The following B3GAT2 variants were observed in gnomAD, a reference collection of about 807,000 sequenced individuals.
The protein encoded by B3GAT2 is galactosylgalactosylxylosylprotein 3-beta-glucuronosyltransferase 2.
A neutral mutation model predicts 27.8 loss-of-function variants in B3GAT2; 26 were observed. That is an observed-to-expected ratio of 0.93 (90% CI 0.68 to 1.30). B3GAT2 has a LOEUF of 1.30. Among genes scored for constraint, B3GAT2 ranks in the 50% most tolerant of loss-of-function variants. B3GAT2 has a pLI of 0.00. For missense variants in B3GAT2, 458 were observed against 459.0 expected, an observed-to-expected ratio of 1.00 and a Z score of 0.02; for synonymous variants, 218 against 195.1, an observed-to-expected ratio of 1.12 and a Z score of -0.98.
At chr6:70,865,025 C>CA (rs1160492466) in intron 2 of B3GAT2, among the ~76,000 whole-genome samples, 2 of 152,192 alleles carry the variant, frequency 1.3e-5, no homozygotes. Flanking sequence ...GGAGGATACA[C>CA]AGTCACCCTC....
At chr6:70,907,293 T>A (rs1020658624) in intron 1 of B3GAT2, among the ~76,000 whole-genome samples, 1 of 152,144 alleles carries the variant, frequency 6.6e-6, no homozygotes, top group Non-Finnish European at 1.5e-5. Flanking sequence ...CTCCTAAGGA[T>A]GGTCCCTTTC....
intron 1 of B3GAT2, among the ~76,000 whole-genome samples, chr6:70,950,299 AATT>A (rs201854609): frequency 0.037 from 2,998 of 80,730 alleles, 103 homozygotes; most frequent in Admixed American, 0.15. Flanking sequence ...AAAAAAAAAA[AATT>A]TTATTTTTCA....
At chr6:70,919,812 G>A (rs1772836757) in intron 1 of B3GAT2, among the ~76,000 whole-genome samples, 1 of 152,154 alleles carries the variant, frequency 6.6e-6, no homozygotes, top group Non-Finnish European at 1.5e-5. Context: ...ATGTCTGTTG[G>A]CCCCTACTGG....
At chr6:70,947,582 A>G (rs1449720705) in intron 1 of B3GAT2, among the ~76,000 whole-genome samples, 1 of 151,724 alleles carries the variant, frequency 6.6e-6, no homozygotes, top group Admixed American at 6.6e-5. Context: ...AATTGTGGGA[A>G]TAATCAATAG....
chr6:70,914,301 G>A (rs907395702), intron 1 of B3GAT2, among the ~76,000 whole-genome samples: 5 of 152,008 alleles, frequency 3.3e-5, no homozygotes, highest in African/African-American at 1.2e-4. Context: ...CCCTCTGACA[G>A]GCCCCGGTGT....
intron 1 of B3GAT2, among the ~76,000 whole-genome samples, chr6:70,921,818 C>T (rs1473009351): frequency 2.6e-5 from 4 of 152,068 alleles, no homozygotes; most frequent in South Asian, 2.1e-4. Flanking sequence ...GGTATAATGT[C>T]GGTTCAGTTG....
In B3GAT2 at chr6:70,956,212, G is replaced by C. The variant is rs778605827; in HGVS notation, c.218C>G (p.Pro73Arg). Reference protein sequence around the residue: ...TQKRNQSRPQPQPEPQLPTIY... With the variant: ...TQKRNQSRPQRQPEPQLPTIY... ...GGTGGGCAGCTGCGGCTCCGGCTGT[G>C]GCTGCGGCCGAGACTGGTTGCGCTT... The change falls in exon 1 of 4, where the codon CCA becomes CGA. Residue 73 changes from proline (P) to arginine (R), a missense_variant. Transcript: ENST00000230053. The C allele has an allele frequency of 6.2e-7, 1 of 1,612,388 alleles. No homozygotes were observed. Among genetic ancestry groups the C allele is most frequent in the South Asian group, 1.1e-5 (1 of 90,952 alleles).
At chr6:70,869,807 C>T (rs1381652639) in intron 2 of B3GAT2, among the ~76,000 whole-genome samples, 4 of 152,070 alleles carry the variant, frequency 2.6e-5, no homozygotes, top group African/African-American at 4.8e-5. Context: ...TCATCACTGG[C>T]CATCAGAGAA....
At position 70,956,721 on chromosome 6, in the gene B3GAT2, G is replaced by T. The variant is rs569875120; in HGVS notation, c.-292C>A. The T allele has an allele frequency of 7.5e-7, 1 of 1,326,326 alleles. No homozygotes were observed. The highest frequency in any genetic ancestry group is 3.6e-5 in the Admixed American group (1 of 27,944). The allele number at this position is 1,326,326 out of a possible 1,614,324, so 82.2% of individuals were successfully genotyped here. A position where few individuals can be genotyped will look rare whatever the true frequency, so the allele number is the denominator to read the frequency against. On this transcript the variant is annotated 5_prime_UTR_variant, in exon 1 of 4. Coordinates refer to ENST00000230053, the MANE Select transcript of B3GAT2 (RefSeq NM_080742.3). ...GGACTCGGTCCAGCCGCGCGCCGCC[G>T]GTCCCGGAGTTGTGCCGAGTGCGGG...
intron 2 of B3GAT2, among the ~76,000 whole-genome samples, chr6:70,870,496 C>T (rs898994139): frequency 1.3e-4 from 20 of 150,764 alleles, no homozygotes; most frequent in African/African-American, 4.9e-4. Context: ...ACATATGTAA[C>T]AAACCTGCAC....
chr6:70,920,395 C>T (rs531536939), intron 1 of B3GAT2, among the ~76,000 whole-genome samples: 167 of 152,356 alleles, frequency 1.1e-3, no homozygotes, highest in African/African-American at 3.5e-3. Context: ...AGGGATGCCC[C>T]GCCCTGCTTC....
chr6:70,944,564 T>C (rs1765446679), intron 1 of B3GAT2, among the ~76,000 whole-genome samples: 1 of 152,260 alleles, frequency 6.6e-6, no homozygotes, highest in African/African-American at 2.4e-5. Flanking sequence ...ACAAAGCAGC[T>C]GGGAAGCTCC....
intron 2 of B3GAT2, among the ~76,000 whole-genome samples, chr6:70,875,864 T>A (rs989488992): frequency 6.6e-6 from 1 of 152,188 alleles, no homozygotes; most frequent in African/African-American, 2.4e-5. Context: ...AAACAATTCA[T>A]TTAAATCTCT....
intron 1 of B3GAT2, among the ~76,000 whole-genome samples, chr6:70,927,643 T>A (rs763384457): frequency 4.6e-5 from 7 of 152,154 alleles, no homozygotes; most frequent in Admixed American, 4.6e-4. Context: ...TAAATATATA[T>A]GCACCCAATA....
intron 1 of B3GAT2, among the ~76,000 whole-genome samples, chr6:70,895,126 G>T (rs1040089225): frequency 1.1e-4 from 16 of 152,168 alleles, no homozygotes; most frequent in African/African-American, 3.9e-4. Flanking sequence ...GGAGCCCATA[G>T]CTTGGCAAAG....
chr6:70,937,973 G>A (rs1765323900), intron 1 of B3GAT2, among the ~76,000 whole-genome samples: 2 of 151,300 alleles, frequency 1.3e-5, no homozygotes, highest in African/African-American at 4.9e-5. Flanking sequence ...GTCCCTGTTT[G>A]CAGACGACAT....
chr6:70,952,455 G>A (rs1408565215), intron 1 of B3GAT2, among the ~76,000 whole-genome samples: 2 of 152,000 alleles, frequency 1.3e-5, no homozygotes, highest in African/African-American at 2.4e-5. Flanking sequence ...AAGGTTTTCT[G>A]GTGAAAAACA....
chr6:70,929,622 G>A lies in B3GAT2; in HGVS notation c.591+26217C>T, dbSNP rs934035919. Among the ~76,000 whole-genome samples, 5 of 152,200 alleles carry A rather than the reference G, an allele frequency of 3.3e-5. No homozygotes were observed. In the East Asian group the frequency reaches 9.7e-4, roughly 29 times the overall value. ...GCTTCAAAGAGAATAAAACACCCAG[G>A]AATCCAACTTACAAGGGATGTGAAG... On this transcript the variant is annotated intron_variant, in intron 1 of 3. Transcript: ENST00000230053.
At chr6:70,926,738 T>C (rs1772967647) in intron 1 of B3GAT2, among the ~76,000 whole-genome samples, 1 of 152,174 alleles carries the variant, frequency 6.6e-6, no homozygotes, top group African/African-American at 2.4e-5. Flanking sequence ...TGGAACCAAG[T>C]TGGAAAACAC....
Sources: gnomAD v4.1 joint callset for allele counts (sites outside exome capture counted in the v4.1 genomes callset) on GRCh38, gnomAD v4.1.1 for gene constraint, MANE v1.5 for transcripts, NCBI Gene and HGNC (gene_info 2026-07-23, HGNC 2026-07-21) for gene names.